Variants in KLF12 observed in about 807,000 individuals in gnomAD.
The protein encoded by KLF12 is Krueppel-like factor 12.
KLF12 carries 9 observed loss-of-function variants against 37.8 expected under a neutral mutation model. The ratio of observed to expected loss-of-function variants is 0.24; its 90% CI spans 0.14 to 0.42. The LOEUF (loss-of-function observed/expected upper bound fraction) is 0.42. Ranked by LOEUF, KLF12 falls within the 10% of genes least tolerant of loss-of-function variation. The pLI is 1.00. For synonymous variants in KLF12, 208 were observed against 202.1 expected (o/e 1.03, Z -0.25); for missense variants, 411 against 516.0 (o/e 0.80, Z 1.97).
intron 5 of KLF12, among the ~76,000 whole-genome samples, chr13:73,793,535 A>G (rs1018272320): frequency 6.6e-6 from 1 of 152,220 alleles, no homozygotes; most frequent in Admixed American, 6.5e-5. Context: ...TTAGGCCACA[A>G]TAAGAGTTAA....
At chr13:73,916,020 T>C (rs1010245861) in intron 3 of KLF12, among the ~76,000 whole-genome samples, 2 of 152,144 alleles carry the variant, frequency 1.3e-5, no homozygotes, top group Admixed American at 6.6e-5. Context: ...AGTTTAAAAT[T>C]TGTAGTGTTC....
chr13:73,991,480 C>A (rs1891969911), intron 2 of KLF12, among the ~76,000 whole-genome samples: 1 of 152,212 alleles, frequency 6.6e-6, no homozygotes, highest in Admixed American at 6.5e-5. Flanking sequence ...AATATCAATA[C>A]CATGCACACT....
chr13:73,741,772 A>G (rs1878002618), intron 6 of KLF12, among the ~76,000 whole-genome samples: 1 of 152,166 alleles, frequency 6.6e-6, no homozygotes, highest in Admixed American at 6.5e-5. Context: ...AAAATATTCT[A>G]TCTACAGTTA....
At chr13:74,073,428 T>G (rs1874390227) in intron 1 of KLF12, among the ~76,000 whole-genome samples, 1 of 152,228 alleles carries the variant, frequency 6.6e-6, no homozygotes, top group South Asian at 2.1e-4. Flanking sequence ...TAGGAAGTTC[T>G]AAATCCTGCT....
chr13:74,095,305 T>C (rs1875911295), intron 1 of KLF12, among the ~76,000 whole-genome samples: 1 of 152,154 alleles, frequency 6.6e-6, no homozygotes, highest in Non-Finnish European at 1.5e-5. Context: ...TGAAACCTCA[T>C]CTTTTTTAGA....
chr13:74,024,131 G>A (rs143064830), intron 1 of KLF12, among the ~76,000 whole-genome samples: 1,674 of 152,258 alleles, frequency 0.011, 44 homozygotes, highest in African/African-American at 0.038. Context: ...TTTTCCAATA[G>A]ATACACTGTC....
At chr13:74,278,214 AT>A in the KLF12 span, among the ~76,000 whole-genome samples, 1 of 151,990 alleles carries the variant, frequency 6.6e-6, no homozygotes, top group Non-Finnish European at 1.5e-5. Flanking sequence ...TGGGCTGATT[AT>A]TTCCTGCTAC....
the KLF12 span, among the ~76,000 whole-genome samples, chr13:74,239,349 C>G: frequency 7.1e-6 from 1 of 141,544 alleles, no homozygotes; most frequent in African/African-American, 2.6e-5. Flanking sequence ...CTGAGGAGAG[C>G]TTTACTTCCC....
intron 3 of KLF12, among the ~76,000 whole-genome samples, chr13:73,920,119 G>A (rs1889044491): frequency 6.6e-6 from 1 of 152,172 alleles, no homozygotes; most frequent in Admixed American, 6.5e-5. Flanking sequence ...ATACTGCACA[G>A]CAGTGCCAAT....
At chr13:74,200,326 T>C in the KLF12 span, among the ~76,000 whole-genome samples, 1 of 152,084 alleles carries the variant, frequency 6.6e-6, no homozygotes, top group African/African-American at 2.4e-5. Flanking sequence ...AAGCTATATG[T>C]TTATTGGCAG....
intron 2 of KLF12, among the ~76,000 whole-genome samples, chr13:73,986,288 G>A (rs1891826916): frequency 6.6e-6 from 1 of 151,978 alleles, no homozygotes; most frequent in Non-Finnish European, 1.5e-5. Flanking sequence ...TTTTATAATG[G>A]GAAATTTTAA....
At chr13:73,982,639 T>C (rs573339438) in intron 2 of KLF12, among the ~76,000 whole-genome samples, 9 of 152,102 alleles carry the variant, frequency 5.9e-5, no homozygotes, top group Admixed American at 5.9e-4. Context: ...ATACACTTGG[T>C]ATAGGAAAAA....
At chr13:73,905,313 A>AAACTTAATTAACCT (rs1888225953) in intron 3 of KLF12, among the ~76,000 whole-genome samples, 2 of 151,968 alleles carry the variant, frequency 1.3e-5, no homozygotes, top group African/African-American at 4.8e-5. Flanking sequence ...CTTTCCTGCC[A>AAACTTAATTAACCT]AGCTAAAATC....
intron 3 of KLF12, among the ~76,000 whole-genome samples, chr13:73,900,632 A>T (rs936081525): frequency 5.5e-5 from 8 of 144,312 alleles, no homozygotes; most frequent in Admixed American, 4.1e-4. Context: ...TCTCTCATTT[A>T]AAAAAAAAAA....
chr13:73,773,725 C>T (rs1036683885), intron 5 of KLF12, among the ~76,000 whole-genome samples: 2 of 152,124 alleles, frequency 1.3e-5, no homozygotes, highest in Non-Finnish European at 2.9e-5. Flanking sequence ...TTGAAGTTGA[C>T]CCAAATCTCA....
chr13:73,938,864 C>T (rs986272621), intron 3 of KLF12, among the ~76,000 whole-genome samples: 2 of 152,126 alleles, frequency 1.3e-5, no homozygotes, highest in African/African-American at 2.4e-5. Flanking sequence ...GGAGTATTGA[C>T]GTGATTCTAT....
At chr13:73,880,318 A>T (rs1887344) in intron 3 of KLF12, among the ~76,000 whole-genome samples, 91,313 of 152,074 alleles carry the variant, frequency 0.6, 27,772 homozygotes, top group East Asian at 0.71. Flanking sequence ...TCAGCTTCTT[A>T]GTTTAGCATC....
the KLF12 span, among the ~76,000 whole-genome samples, chr13:74,209,634 T>C: frequency 2.6e-5 from 4 of 152,170 alleles, no homozygotes; most frequent in Non-Finnish European, 5.9e-5. Flanking sequence ...AGCTGTGTGA[T>C]CTTAGACAAT....
chr13:73,876,832 T>C (rs976936667), intron 3 of KLF12, among the ~76,000 whole-genome samples: 1 of 151,938 alleles, frequency 6.6e-6, no homozygotes, highest in Non-Finnish European at 1.5e-5. Flanking sequence ...CTGGCCAACA[T>C]GGGGAAACCC....
Sources: allele counts gnomAD v4.1 joint callset (sites outside exome capture counted in the v4.1 genomes callset), GRCh38; gene constraint gnomAD v4.1.1; transcripts MANE v1.5; gene names NCBI Gene and HGNC (gene_info 2026-07-23, HGNC 2026-07-21).